CUX1: variants seen among roughly 807,000 people sequenced by gnomAD.
The protein encoded by CUX1 is protein CASP.
A neutral mutation model predicts 158.8 loss-of-function variants in CUX1; 31 were observed. That is an observed-to-expected ratio of 0.20 (90% CI 0.15 to 0.26). The LOEUF (loss-of-function observed/expected upper bound fraction) is 0.26. Ranked by LOEUF, CUX1 falls within the 10% of genes least tolerant of loss-of-function variation. CUX1 has a pLI of 1.00. For synonymous variants in CUX1, 879 were observed against 862.1 expected, an observed-to-expected ratio of 1.02 and a Z score of -0.34; for missense variants, 1,589 against 2,014.6, an observed-to-expected ratio of 0.79 and a Z score of 4.04.
intron 8 of CUX1, among the ~76,000 whole-genome samples, chr7:102,149,510 A>G (rs1835399280): frequency 6.9e-6 from 1 of 145,182 alleles, no homozygotes; most frequent in Non-Finnish European, 1.5e-5. Flanking sequence ...GCCATTGCCC[A>G]CTCCTCCCCT....
Position 102,254,858 on chromosome 7 carries a change from G to T in CUX1, c.*5816G>T, listed in dbSNP as rs1409196713. The T allele has an allele frequency of 4.1e-6, 4 of 985,292 alleles. No individual in the cohort carries two copies. Among genetic ancestry groups the T allele is most frequent in the Non-Finnish European group, 1.2e-6 (1 of 829,942 alleles). The allele number at this position is 985,292 out of a possible 1,614,324, so 61.0% of individuals were successfully genotyped here. A position where few individuals can be genotyped will look rare whatever the true frequency, so the allele number is the denominator to read the frequency against. On this transcript the variant is annotated 3_prime_UTR_variant, in exon 24 of 24. Coordinates refer to ENST00000292535, the MANE Select transcript of CUX1 (RefSeq NM_181552.4). The stretch of plus-strand genomic sequence containing the variant: ...CGCTAAGAGAATGGTCCAATTTGAT[G>T]ATCTTATTTCTATTTCGATCAGGTT...
chr7:101,993,199 G>A (rs1460714412), intron 2 of CUX1, among the ~76,000 whole-genome samples: 1 of 152,166 alleles, frequency 6.6e-6, no homozygotes, highest in Non-Finnish European at 1.5e-5. Flanking sequence ...GGTGTGTGGT[G>A]GGTACCAGTA....
intron 4 of CUX1, among the ~76,000 whole-genome samples, chr7:102,086,972 A>G (rs1356177954): frequency 6.6e-6 from 1 of 151,934 alleles, no homozygotes; most frequent in African/African-American, 2.4e-5. Flanking sequence ...CTTTCTTTTG[A>G]TGAGAGTTTT....
chr7:102,168,643 CAAAAAAA>C lies in CUX1; in HGVS notation c.724-1787_724-1781del, dbSNP rs1167424159. Among the ~76,000 whole-genome samples, 11 of 75,662 alleles carry C rather than the reference CAAAAAAA, an allele frequency of 1.5e-4. 1 individual carries two copies. Among genetic ancestry groups the C allele is most frequent in the African/African-American group, 5.5e-4 (11 of 20,048 alleles). The allele number at this position is 75,662 out of a possible 152,430, so 49.6% of individuals were successfully genotyped here. ...TAGGCGACAGAGCGAGGCTCTGTCT[CAAAAAAA>C]AAAAAAAAAAAAAAATCCTAATTTG... On this transcript the variant is annotated intron_variant, in intron 9 of 23. Coordinates refer to ENST00000292535, the MANE Select transcript of CUX1 (RefSeq NM_181552.4).
At chr7:102,042,691 C>A (rs1219644224) in intron 3 of CUX1, among the ~76,000 whole-genome samples, 1 of 152,152 alleles carries the variant, frequency 6.6e-6, no homozygotes, top group African/African-American at 2.4e-5. Context: ...ACCATCTCAA[C>A]CTATTTCTAA....
At chr7:102,126,295 T>A (rs1832644694) in intron 8 of CUX1, among the ~76,000 whole-genome samples, 2 of 151,908 alleles carry the variant, frequency 1.3e-5, no homozygotes, top group South Asian at 4.1e-4. Flanking sequence ...CGCCTCGGCC[T>A]CCCAAAGTGC....
At chr7:101,931,349 T>A (rs1224966992) in intron 2 of CUX1, among the ~76,000 whole-genome samples, 1 of 152,162 alleles carries the variant, frequency 6.6e-6, no homozygotes, top group Non-Finnish European at 1.5e-5. Context: ...CTCAGTAACT[T>A]CAGGGACACA....
intron 17 of CUX1, among the ~76,000 whole-genome samples, chr7:102,277,054 C>G (rs1167786877): frequency 6.6e-6 from 1 of 151,576 alleles, no homozygotes; most frequent in African/African-American, 2.4e-5. Context: ...AATCCCAGCA[C>G]ATTGGGAGGC....
At chr7:101,848,895 T>C (rs368349550) in intron 1 of CUX1, among the ~76,000 whole-genome samples, 11 of 125,862 alleles carry the variant, frequency 8.7e-5, no homozygotes, top group African/African-American at 3.4e-4. Context: ...GTAGACTAAC[T>C]GAACACTTGC....
intron 8 of CUX1, among the ~76,000 whole-genome samples, chr7:102,141,252 T>C (rs1232707419): frequency 6.6e-6 from 1 of 152,158 alleles, no homozygotes; most frequent in African/African-American, 2.4e-5. Flanking sequence ...GTCTTTCCTA[T>C]GAACGTTCTC....
intron 1 of CUX1, among the ~76,000 whole-genome samples, chr7:101,864,005 G>A (rs1797714916): frequency 6.6e-6 from 1 of 152,086 alleles, no homozygotes; most frequent in East Asian, 1.9e-4. Context: ...TGTGAACTCT[G>A]GTGTGTATAT....
intron 22 of CUX1, chr7:102,282,970 C>G (rs782013080): frequency 3.5e-6 from 5 of 1,420,540 alleles, no homozygotes; most frequent in East Asian, 4.6e-5. Flanking sequence ...TACACACCCC[C>G]CTTCCCCAAC....
At chr7:102,193,811 ATAAAAT>A in intron 12 of CUX1, 25 bp from the exon 13 acceptor site, 1 of 1,610,122 alleles carries the variant, frequency 6.2e-7, no homozygotes, top group Non-Finnish European at 8.5e-7. Context: ...CAAAAAATAA[ATAAAAT>A]AACCCCTCTG....
chr7:101,954,030 A>C (rs987115256), intron 2 of CUX1, among the ~76,000 whole-genome samples: 1 of 152,230 alleles, frequency 6.6e-6, no homozygotes, highest in African/African-American at 2.4e-5. Flanking sequence ...CTACAAAAAA[A>C]ATTTTTTTAA....
At chr7:102,271,339 C>G (rs1489167572) in intron 14 of CUX1, among the ~76,000 whole-genome samples, 1 of 152,184 alleles carries the variant, frequency 6.6e-6, no homozygotes, top group Non-Finnish European at 1.5e-5. Context: ...AGCATCCCCT[C>G]CCTTGGTCCA....
intron 1 of CUX1, among the ~76,000 whole-genome samples, chr7:101,860,506 G>C (rs998612775): frequency 9.2e-5 from 14 of 152,146 alleles, no homozygotes; most frequent in Non-Finnish European, 2.9e-5. Context: ...ATGCTCTGTG[G>C]GGTCCCAGGG....
rs762479954 is a variant in CUX1, at chr7:101,992,455, A to C, written c.142-35643A>C. Among the ~76,000 whole-genome samples, 124 of 152,194 alleles carry C rather than the reference A, an allele frequency of 8.1e-4. 1 individual carries two copies. The highest frequency in any genetic ancestry group is 1.4e-3 in the Non-Finnish European group (92 of 68,032). On this transcript the variant is annotated intron_variant, in intron 2 of 23. Coordinates refer to ENST00000292535, the MANE Select transcript of CUX1 (RefSeq NM_181552.4). The stretch of plus-strand genomic sequence containing the variant: ...CATAGAAGGGAGGTGTCAGCTAACG[A>C]GACTGTTACCTCACCACAGATGCCC...
At chr7:101,950,120 G>A (rs1226608033) in intron 2 of CUX1, among the ~76,000 whole-genome samples, 2 of 151,492 alleles carry the variant, frequency 1.3e-5, no homozygotes, top group East Asian at 2.0e-4. Flanking sequence ...AAGCGTTCTC[G>A]TGCCTCAGCC....
intron 5 of CUX1, 69 bp from the exon 6 acceptor site, chr7:102,104,267 C>T: frequency 1.4e-6 from 2 of 1,469,952 alleles, no homozygotes; most frequent in Non-Finnish European, 1.8e-6. Flanking sequence ...GTTATGAGAG[C>T]CTTGTACCTA....
Sources: gnomAD v4.1 joint callset for allele counts (sites outside exome capture counted in the v4.1 genomes callset) on GRCh38, gnomAD v4.1.1 for gene constraint, MANE v1.5 for transcripts, NCBI Gene and HGNC (gene_info 2026-07-23, HGNC 2026-07-21) for gene names.